The following AK5 variants were observed in gnomAD, a reference collection of about 807,000 sequenced individuals.
AK5 encodes the protein adenylate kinase isoenzyme 5.
Under a neutral mutation model 69.5 loss-of-function variants are expected in AK5, and 27 were observed. That is an observed-to-expected ratio of 0.39 (90% CI 0.29 to 0.54). The LOEUF (loss-of-function observed/expected upper bound fraction) is 0.54, where lower values mean the gene tolerates loss of function less well. AK5 is among the 20% of genes least tolerant of loss of function. The probability of loss-of-function intolerance (pLI) is 0.71; values close to 1 mark genes in which losing one functional copy is unlikely to be tolerated. For synonymous variants in AK5, 260 were observed against 244.4 expected (o/e 1.06, Z -0.60); for missense variants, 531 against 700.4 (o/e 0.76, Z 2.73).
chr1:77,526,576 C>T (rs917411016), intron 12 of AK5, among the ~76,000 whole-genome samples: 1 of 146,902 alleles, frequency 6.8e-6, no homozygotes, highest in South Asian at 2.2e-4. Context: ...CCCGGGTTCA[C>T]GCCATTCTCC....
intron 6 of AK5, among the ~76,000 whole-genome samples, chr1:77,406,737 A>G (rs1649684198): frequency 6.6e-6 from 1 of 151,724 alleles, no homozygotes; most frequent in Non-Finnish European, 1.5e-5. Context: ...GGATTAGAGA[A>G]AACAGTACCT....
At chr1:77,348,473 A>C (rs982301866) in intron 6 of AK5, among the ~76,000 whole-genome samples, 1 of 152,016 alleles carries the variant, frequency 6.6e-6, no homozygotes, top group African/African-American at 2.4e-5. Flanking sequence ...ACAAACCTGC[A>C]TGTTGTGCAC....
intron 6 of AK5, among the ~76,000 whole-genome samples, chr1:77,382,859 A>C (rs1647745596): frequency 6.6e-6 from 1 of 152,196 alleles, no homozygotes; most frequent in African/African-American, 2.4e-5. Flanking sequence ...TTCATCCAGA[A>C]TCACAGTATT....
At chr1:77,558,455 CTT>C (rs1444410833) in intron 13 of AK5, 145 bp from the exon 14 acceptor site, 1 of 559,094 alleles carries the variant, frequency 1.8e-6, no homozygotes, top group African/African-American at 2.1e-5. Context: ...TAAAACTACT[CTT>C]CACTTTTTTC....
chr1:77,430,091 A>G (rs573727587), intron 8 of AK5, among the ~76,000 whole-genome samples: 5 of 151,870 alleles, frequency 3.3e-5, no homozygotes, highest in Non-Finnish European at 7.4e-5. Flanking sequence ...TCTGGCTGCA[A>G]TGTGGAAAAC....
chr1:77,559,464 A>AACTT lies in AK5; in HGVS notation c.*796_*799dup, dbSNP rs776979839. ...TAAATTAATATAAATGACCAAAAGT[A>AACTT]ACTTAAAAGCATGAGATATTTGCTA... is the stretch of plus-strand genomic sequence containing the variant. On this transcript the variant is annotated 3_prime_UTR_variant, in exon 14 of 14. Transcript: ENST00000354567. The AACTT allele has an allele frequency of 3.9e-5, 6 of 152,218 alleles. No individual in the cohort carries two copies. Among genetic ancestry groups the AACTT allele is most frequent in the Non-Finnish European group, 7.3e-5 (5 of 68,042 alleles). 9.4% of individuals were successfully genotyped at this position (152,218 alleles called of 1,614,324 possible). A position where few individuals can be genotyped will look rare whatever the true frequency, so the allele number is the denominator to read the frequency against.
chr1:77,456,140 A>G lies in AK5; in HGVS notation c.1060-27177A>G, dbSNP rs932670538. On this transcript the variant is annotated intron_variant, in intron 8 of 13. Transcript: ENST00000354567. ...CAATGTCTGTTTGGAGAAAATGAAC[A>G]GTGGAAGCCCCTAAAACAGCAAGTA... 4.3e-4 allele frequency among the ~76,000 whole-genome samples: 65 copies of G among 152,214 alleles called. 1 individual carries two copies. Among genetic ancestry groups the G allele is most frequent in the Non-Finnish European group, 5.7e-4 (39 of 68,036 alleles).
chr1:77,482,345 T>A (rs1348536175), intron 8 of AK5, among the ~76,000 whole-genome samples: 1 of 152,208 alleles, frequency 6.6e-6, no homozygotes, highest in Non-Finnish European at 1.5e-5. Flanking sequence ...GGCTACTCCA[T>A]AAGGAATAGA....
chr1:77,548,356 C>T (rs146657335), intron 13 of AK5, among the ~76,000 whole-genome samples: 87 of 152,218 alleles, frequency 5.7e-4, no homozygotes, highest in African/African-American at 2.0e-3. Context: ...TACATAACCC[C>T]AACTTTTGAA....
At chr1:77,524,365 A>T (rs896468365) in intron 12 of AK5, among the ~76,000 whole-genome samples, 3 of 152,198 alleles carry the variant, frequency 2.0e-5, no homozygotes, top group African/African-American at 7.2e-5. Context: ...CATACTACAC[A>T]TATACATACA....
At chr1:77,389,142 A>G (rs1648247321) in intron 6 of AK5, among the ~76,000 whole-genome samples, 1 of 152,218 alleles carries the variant, frequency 6.6e-6, no homozygotes, top group Non-Finnish European at 1.5e-5. Context: ...CCTGTGAGGT[A>G]TGAAAGTGGA....
chr1:77,512,087 A>G (rs2100292980), intron 10 of AK5, among the ~76,000 whole-genome samples: 1 of 152,328 alleles, frequency 6.6e-6, no homozygotes, highest in South Asian at 2.1e-4. Flanking sequence ...GGGGTGGAAT[A>G]GGAATTAAAG....
At chr1:77,317,232 G>A (rs1353041851) in intron 5 of AK5, among the ~76,000 whole-genome samples, 1 of 152,176 alleles carries the variant, frequency 6.6e-6, no homozygotes, top group Non-Finnish European at 1.5e-5. Context: ...CTGCATGGAA[G>A]TCTCAGGGTA....
intron 10 of AK5, among the ~76,000 whole-genome samples, chr1:77,491,761 G>A (rs538105693): frequency 3.3e-5 from 5 of 152,276 alleles, no homozygotes; most frequent in African/African-American, 4.8e-5. Flanking sequence ...CAGTTAACAC[G>A]TACCAGACAC....
At chr1:77,304,211 C>T (rs1659502983) in intron 5 of AK5, among the ~76,000 whole-genome samples, 1 of 152,106 alleles carries the variant, frequency 6.6e-6, no homozygotes, top group Non-Finnish European at 1.5e-5. Context: ...CTTTTACTGT[C>T]TATCTCCATG....
intron 12 of AK5, among the ~76,000 whole-genome samples, chr1:77,528,984 CA>C (rs1658429510): frequency 1.3e-5 from 2 of 152,282 alleles, no homozygotes; most frequent in South Asian, 4.1e-4. Flanking sequence ...AGTGCCTTTA[CA>C]CACTTATAAG....
At chr1:77,353,659 G>T (rs1427475371) in intron 6 of AK5, among the ~76,000 whole-genome samples, 1 of 152,124 alleles carries the variant, frequency 6.6e-6, no homozygotes, top group African/African-American at 2.4e-5. Context: ...ATCCCAGTCT[G>T]CCCTGTTTCA....
intron 10 of AK5, among the ~76,000 whole-genome samples, chr1:77,498,918 C>T (rs1656527209): frequency 6.6e-6 from 1 of 152,214 alleles, no homozygotes; most frequent in South Asian, 2.1e-4. Flanking sequence ...TGGTGTTTCA[C>T]CTACAACCAG....
At chr1:77,438,550 C>G (rs770192169) in intron 8 of AK5, among the ~76,000 whole-genome samples, 2 of 152,122 alleles carry the variant, frequency 1.3e-5, no homozygotes, top group Non-Finnish European at 2.9e-5. Context: ...TTGGCCATCT[C>G]ACACCTACCA....
Sources: allele counts gnomAD v4.1 joint callset (sites outside exome capture counted in the v4.1 genomes callset), GRCh38; gene constraint gnomAD v4.1.1; transcripts MANE v1.5; gene names NCBI Gene and HGNC (gene_info 2026-07-23, HGNC 2026-07-21).